Variants in PCBP2 observed in about 807,000 individuals in gnomAD.
PCBP2 encodes poly(rC)-binding protein 2.
PCBP2 carries 4 observed loss-of-function variants against 50.1 expected under a neutral mutation model. That is an observed-to-expected ratio of 0.08 (90% CI 0.04 to 0.18). The LOEUF (loss-of-function observed/expected upper bound fraction) is 0.18, where lower values mean the gene tolerates loss of function less well. Among genes scored for constraint, PCBP2 ranks in the 10% least tolerant of loss-of-function variants. The pLI is 1.00. For synonymous variants in PCBP2, 179 were observed against 168.0 expected (o/e 1.07, Z -0.51); for missense variants, 161 against 474.3 (o/e 0.34, Z 6.14).
At chr12:53,477,692 A>C (rs988702628) in intron 14 of PCBP2, among the ~76,000 whole-genome samples, 1 of 149,960 alleles carries the variant, frequency 6.7e-6, no homozygotes, top group African/African-American at 2.5e-5. Context: ...AAAAAAAAAA[A>C]AACCCTAAAT....
At position 53,461,614 on chromosome 12, in the gene PCBP2, T is replaced by C. The variant is rs569092930; in HGVS notation, c.504+471T>C. On this transcript the variant is annotated intron_variant, in intron 7 of 14. Transcript: ENST00000546463. ...GACTTACAAGGTCCTGATTATACAC[T>C]ATTATTCTATTAAAAGAATAGCAAA... Among the ~76,000 whole-genome samples, 228 of 152,334 alleles carry C rather than the reference T, an allele frequency of 1.5e-3. 1 individual carries two copies. The highest frequency in any genetic ancestry group is 5.0e-3 in the African/African-American group (209 of 41,572).
chr12:53,466,233 TA>T (rs1193613369), intron 10 of PCBP2, among the ~76,000 whole-genome samples: 1 of 152,254 alleles, frequency 6.6e-6, no homozygotes, highest in African/African-American at 2.4e-5. Flanking sequence ...ACCCTGTTTC[TA>T]AAAGGGAAAT....
At position 53,455,876 on chromosome 12, in the gene PCBP2, C is replaced by G. The variant is rs151048021; in HGVS notation, c.127-9C>G. The G allele has an allele frequency of 7.3e-5, 114 of 1,564,160 alleles. No individual in the cohort carries two copies. The African/African-American group carries it at 1.3e-3, about 18-fold the overall frequency. On this transcript the variant is annotated splice_polypyrimidine_tract_variant and intron_variant, in intron 4 of 14. Transcript: ENST00000546463. ...TTTTAACTTCTTTTGGATCTTGTTT[C>G]CTATCTAGAGTGGTGCACGTATCAA...
chr12:53,460,937 G>C, intron 6 of PCBP2, 78 bp from the exon 7 acceptor site: 1 of 1,489,044 alleles, frequency 6.7e-7, no homozygotes, highest in Non-Finnish European at 9.3e-7. Flanking sequence ...AGAGTTTTAG[G>C]CTCTGAAATT....
chr12:53,474,689 T>G (rs1942456202), intron 14 of PCBP2, among the ~76,000 whole-genome samples: 1 of 152,162 alleles, frequency 6.6e-6, no homozygotes, highest in Non-Finnish European at 1.5e-5. Flanking sequence ...ATATACATAT[T>G]TAGAGGGTGG....
intron 13 of PCBP2, among the ~76,000 whole-genome samples, chr12:53,469,196 T>A (rs1466144955): frequency 6.6e-6 from 1 of 152,026 alleles, no homozygotes; most frequent in Admixed American, 6.5e-5. Context: ...GTCACCGCAC[T>A]TGGCCTACAT....
At position 53,481,027 on chromosome 12, in the gene PCBP2, G is replaced by C; in HGVS notation, c.*1585G>C. On this transcript the variant is annotated 3_prime_UTR_variant, in exon 15 of 15. Coordinates refer to ENST00000546463, the MANE Select transcript of PCBP2 (RefSeq NM_031989.5). ...CTGCCAGTGTCCCTAGAGTTTATCA[G>C]GTGAATTGGTCAGGGGATCAGTCTC... The C allele has an allele frequency of 4.5e-6, 1 of 224,292 alleles. No individual in the cohort carries two copies. The highest frequency in any genetic ancestry group is 8.2e-6 in the Non-Finnish European group (1 of 121,366). 13.9% of individuals were successfully genotyped at this position (224,292 alleles called of 1,614,324 possible).
At chr12:53,465,094 A>C (rs1033200570) in intron 9 of PCBP2, 119 of 303,606 alleles carry the variant, frequency 3.9e-4, no homozygotes, top group Admixed American at 1.3e-3. Context: ...CCCCTCTCCC[A>C]CTCCTCCCAC....
At chr12:53,464,904 C>T (rs765212576) in intron 9 of PCBP2, 52 bp downstream of exon 9, 38 of 1,540,650 alleles carry the variant, frequency 2.5e-5, no homozygotes, top group Middle Eastern at 1.7e-4. Flanking sequence ...CCGCCTCAGC[C>T]GAGACTGCCA....
At position 53,468,763 on chromosome 12, in the gene PCBP2, CTT is replaced by C. The variant is rs1941990976; in HGVS notation, c.827-13_827-12del. The C allele has an allele frequency of 1.2e-6, 2 of 1,608,518 alleles. No individual in the cohort carries two copies. The highest frequency in any genetic ancestry group is 2.7e-5 in the African/African-American group (2 of 74,784). On this transcript the variant is annotated splice_polypyrimidine_tract_variant and intron_variant, in intron 12 of 14. Transcript: ENST00000546463. ...GCTGTGCATTGAATTTGCTTGCTCT[CTT>C]CTGTCTTTTAGCAGGTTTGGATGCA... is the stretch of plus-strand genomic sequence containing the variant.
intron 14 of PCBP2, among the ~76,000 whole-genome samples, chr12:53,477,654 A>G (rs1942690591): frequency 7.9e-6 from 1 of 126,504 alleles, no homozygotes; most frequent in African/African-American, 2.9e-5. Context: ...TGACAAAGCA[A>G]GACTCTGTCT....
At chr12:53,471,834 T>C (rs1362902518) in intron 14 of PCBP2, 27 bp downstream of exon 14, 5 of 1,598,810 alleles carry the variant, frequency 3.1e-6, no homozygotes, top group East Asian at 2.2e-5. Flanking sequence ...TTTTGTCTTA[T>C]TTATGCCAAC....
rs1241468378 is a variant in PCBP2, at chr12:53,473,144, C to T, written c.1052+1337C>T. Reference sequence around the variant, plus strand: ...CTGTCACCAGGCTGGAGTGCAGTGGCTCCATCTCGGCTCACTGCAACCTCT... The same window carrying T: ...CTGTCACCAGGCTGGAGTGCAGTGGTTCCATCTCGGCTCACTGCAACCTCT... On this transcript the variant is annotated intron_variant, in intron 14 of 14. Coordinates refer to ENST00000546463, the MANE Select transcript of PCBP2 (RefSeq NM_031989.5). Among the ~76,000 whole-genome samples, 13 of 149,368 alleles carry T rather than the reference C, an allele frequency of 8.7e-5. No individual in the cohort carries two copies. In the East Asian group the frequency reaches 2.6e-3, roughly 29 times the overall value.
At chr12:53,468,567 T>A (rs986889815) in intron 12 of PCBP2, 2 of 559,956 alleles carry the variant, frequency 3.6e-6, no homozygotes, top group African/African-American at 3.8e-5. Flanking sequence ...TGAAATCAGC[T>A]CTTCTGAGTG....
At chr12:53,474,840 T>G in intron 14 of PCBP2, 1 of 370,882 alleles carries the variant, frequency 2.7e-6, no homozygotes, top group Non-Finnish European at 5.4e-6. Flanking sequence ...CCCACCCTTT[T>G]TTTTTGTTCC....
At chr12:53,454,628 A>G in intron 1 of PCBP2, 98 bp from the exon 2 acceptor site, 1 of 619,784 alleles carries the variant, frequency 1.6e-6, no homozygotes, top group Non-Finnish European at 2.9e-6. Flanking sequence ...CATTTAAGGA[A>G]AAGTGTAAAG....
chr12:53,471,117 CA>C (rs1942202521), intron 13 of PCBP2, among the ~76,000 whole-genome samples: 1 of 151,808 alleles, frequency 6.6e-6, no homozygotes, highest in South Asian at 2.1e-4. Flanking sequence ...GTTTTTTGAT[CA>C]AAAGTGTATG....
chr12:53,454,588 C>T (rs1940847518), intron 1 of PCBP2, 138 bp from the exon 2 acceptor site: 4 of 563,208 alleles, frequency 7.1e-6, no homozygotes, highest in South Asian at 4.0e-5. Flanking sequence ...TGCAGTTGTG[C>T]TTGGTGTGTA....
chr12:53,481,108 CATATATATATATAT>C lies in PCBP2; in HGVS notation c.*1669_*1682del. ...CCATCTTTCTGTTGATTATGTGGCG[CATATATATATATAT>C]ATGTATATATATATAATTTATATAA... On this transcript the variant is annotated 3_prime_UTR_variant, in exon 15 of 15. Transcript: ENST00000546463. 1.7e-6 allele frequency: 1 copy of C among 580,816 alleles called. No homozygotes were observed. Among genetic ancestry groups the C allele is most frequent in the Non-Finnish European group, 2.3e-6 (1 of 428,958 alleles). The allele number at this position is 580,816 out of a possible 1,614,324, so 36.0% of individuals were successfully genotyped here.
Sources: gnomAD v4.1 joint callset for allele counts (sites outside exome capture counted in the v4.1 genomes callset) on GRCh38, gnomAD v4.1.1 for gene constraint, MANE v1.5 for transcripts, NCBI Gene and HGNC (gene_info 2026-07-23, HGNC 2026-07-21) for gene names.